Variants in CPQ observed in about 807,000 individuals in gnomAD.
The protein encoded by CPQ is Ser-Met dipeptidase.
In CPQ, 37 loss-of-function variants were observed where a neutral mutation model predicts 45.7. The ratio of observed to expected loss-of-function variants is 0.81; its 90% CI spans 0.62 to 1.07. CPQ has a LOEUF of 1.07. CPQ is among the 50% of genes least tolerant of loss of function. The probability of loss-of-function intolerance (pLI) is 0.00; values close to 1 mark genes in which losing one functional copy is unlikely to be tolerated. For missense variants in CPQ, 537 were observed against 572.9 expected (o/e 0.94, Z 0.64); for synonymous variants, 186 against 205.8 (o/e 0.90, Z 0.82).
chr8:96,954,692 C>T (rs1813324857), intron 4 of CPQ, among the ~76,000 whole-genome samples: 1 of 151,988 alleles, frequency 6.6e-6, no homozygotes, highest in Admixed American at 6.6e-5. Context: ...GTGTGCTGCA[C>T]CCATTAACTC....
chr8:97,045,743 T>G (rs1231971666), intron 6 of CPQ, among the ~76,000 whole-genome samples: 1 of 152,230 alleles, frequency 6.6e-6, no homozygotes, highest in African/African-American at 2.4e-5. Context: ...AAGTTCATCT[T>G]CTACTTCTGG....
chr8:96,776,002 A>G (rs896143068), intron 1 of CPQ, among the ~76,000 whole-genome samples: 1 of 152,224 alleles, frequency 6.6e-6, no homozygotes, highest in African/African-American at 2.4e-5. Context: ...TTAAGTGTCT[A>G]CCAATAGTAG....
chr8:97,029,385 AT>A lies in CPQ; in HGVS notation c.962-14del. 1 of 1,565,356 alleles carries A rather than the reference AT, an allele frequency of 6.4e-7. No individual in the cohort carries two copies. ...AAATCAACTAAAGTATCACTTTTTT[AT>A]TTTATTATTTTCCCAGGGCTGCGTC... On this transcript the variant is annotated splice_polypyrimidine_tract_variant and intron_variant, in intron 5 of 7. Transcript: ENST00000220763.
At chr8:96,665,588 G>T (rs1454848897) in intron 1 of CPQ, among the ~76,000 whole-genome samples, 1 of 152,230 alleles carries the variant, frequency 6.6e-6, no homozygotes, top group Non-Finnish European at 1.5e-5. Context: ...TCAAGTGAAA[G>T]TAATTCAACC....
intron 7 of CPQ, among the ~76,000 whole-genome samples, chr8:97,103,780 G>A (rs767914399): frequency 2.6e-5 from 4 of 152,126 alleles, no homozygotes; most frequent in Non-Finnish European, 4.4e-5. Context: ...TGGGCCACTG[G>A]GTGACCTGTG....
At chr8:97,042,406 A>G (rs1313558774) in intron 6 of CPQ, among the ~76,000 whole-genome samples, 2 of 152,002 alleles carry the variant, frequency 1.3e-5, no homozygotes, top group Non-Finnish European at 2.9e-5. Flanking sequence ...CTAGCAGTCT[A>G]TCAATTTTGT....
intron 5 of CPQ, among the ~76,000 whole-genome samples, chr8:97,011,455 T>A (rs1809483301): frequency 6.6e-6 from 1 of 152,134 alleles, no homozygotes; most frequent in Non-Finnish European, 1.5e-5. Context: ...TAAGTTGAGA[T>A]TTTTCACCTA....
chr8:96,712,917 A>C (rs1809632300), intron 1 of CPQ, among the ~76,000 whole-genome samples: 1 of 152,106 alleles, frequency 6.6e-6, no homozygotes, highest in East Asian at 1.9e-4. Context: ...AAATTTTCCA[A>C]ACTTTTATGC....
intron 4 of CPQ, among the ~76,000 whole-genome samples, chr8:96,931,877 G>A (rs1431806878): frequency 6.6e-6 from 1 of 152,180 alleles, no homozygotes; most frequent in Non-Finnish European, 1.5e-5. Flanking sequence ...AGATCTATCT[G>A]GTGCTAGTTT....
chr8:96,783,050 C>T (rs116105171), intron 1 of CPQ, among the ~76,000 whole-genome samples: 3 of 152,252 alleles, frequency 2.0e-5, no homozygotes, highest in East Asian at 1.9e-4. Context: ...AAGAAGTTCC[C>T]GACTTTCTCT....
intron 5 of CPQ, among the ~76,000 whole-genome samples, chr8:96,970,968 A>G (rs1309629811): frequency 4.6e-5 from 7 of 152,186 alleles, no homozygotes; most frequent in Admixed American, 3.3e-4. Flanking sequence ...GAAAGGGGGG[A>G]AAAGTGTCCT....
chr8:97,017,540 C>T (rs1809602634), intron 5 of CPQ, among the ~76,000 whole-genome samples: 1 of 152,204 alleles, frequency 6.6e-6, no homozygotes, highest in Admixed American at 6.5e-5. Context: ...CACCCACCAC[C>T]TGGAAACAGA....
At chr8:96,781,930 G>C (rs775228203) in intron 1 of CPQ, among the ~76,000 whole-genome samples, 3 of 152,174 alleles carry the variant, frequency 2.0e-5, no homozygotes, top group Non-Finnish European at 4.4e-5. Flanking sequence ...TTAAGCCTCA[G>C]AAATAATTTT....
intron 4 of CPQ, among the ~76,000 whole-genome samples, chr8:96,957,790 C>T (rs1054888816): frequency 5.3e-5 from 8 of 149,946 alleles, no homozygotes; most frequent in African/African-American, 1.5e-4. Flanking sequence ...CTGAGTGAAA[C>T]TGTGTCTCAA....
intron 7 of CPQ, among the ~76,000 whole-genome samples, chr8:97,139,958 A>AT (rs1221434699): frequency 6.6e-6 from 1 of 151,752 alleles, no homozygotes; most frequent in Non-Finnish European, 1.5e-5. Context: ...GAAAGTCATC[A>AT]TTTTTTCTTT....
At chr8:96,897,317 T>C (rs1812455367) in intron 4 of CPQ, among the ~76,000 whole-genome samples, 1 of 152,200 alleles carries the variant, frequency 6.6e-6, no homozygotes, top group Non-Finnish European at 1.5e-5. Flanking sequence ...TCAACCTCTA[T>C]GCTCTTTTTT....
intron 4 of CPQ, among the ~76,000 whole-genome samples, chr8:96,920,386 T>A (rs1812790345): frequency 6.6e-6 from 1 of 152,186 alleles, no homozygotes; most frequent in Non-Finnish European, 1.5e-5. Flanking sequence ...GCGAGGCCAT[T>A]GGCGGAAATA....
chr8:96,889,336 T>A (rs975193089), intron 4 of CPQ, among the ~76,000 whole-genome samples: 2 of 151,972 alleles, frequency 1.3e-5, no homozygotes, highest in South Asian at 4.2e-4. Flanking sequence ...ATTCAGAAAA[T>A]GTTTGGAAAT....
At chr8:96,919,934 A>C (rs532183408) in intron 4 of CPQ, among the ~76,000 whole-genome samples, 1 of 152,258 alleles carries the variant, frequency 6.6e-6, no homozygotes, top group African/African-American at 2.4e-5. Flanking sequence ...TAGCTCCTTC[A>C]CTTACCAAAT....
Sources: allele counts gnomAD v4.1 joint callset (sites outside exome capture counted in the v4.1 genomes callset), GRCh38; gene constraint gnomAD v4.1.1; transcripts MANE v1.5; gene names NCBI Gene and HGNC (gene_info 2026-07-23, HGNC 2026-07-21).